The following SENP7 variants were observed in gnomAD, a reference collection of about 807,000 sequenced individuals.
SENP7 encodes the protein sentrin-specific protease 7.
SENP7 carries 64 observed loss-of-function variants against 141.2 expected under a neutral mutation model. That is an observed-to-expected ratio of 0.45 (90% confidence interval 0.37 to 0.56). The LOEUF is 0.56. SENP7 is among the 20% of genes least tolerant of loss of function. SENP7 has a pLI of 0.00. For synonymous variants in SENP7, 382 were observed against 426.4 expected (o/e 0.90, Z 1.28); for missense variants, 1,025 against 1,212.2 (o/e 0.85, Z 2.29).
At chr3:101,453,874 A>T (rs1247780211) in intron 4 of SENP7, among the ~76,000 whole-genome samples, 3 of 150,654 alleles carry the variant, frequency 2.0e-5, no homozygotes, top group Non-Finnish European at 4.4e-5. Context: ...AATTTAAAAA[A>T]TTAAAAAAAA....
chr3:101,396,002 T>C (rs1352829550), intron 6 of SENP7, among the ~76,000 whole-genome samples: 1 of 152,208 alleles, frequency 6.6e-6, no homozygotes, highest in East Asian at 1.9e-4. Context: ...GTGTGTATTA[T>C]TATCCCTGCT....
intron 3 of SENP7, among the ~76,000 whole-genome samples, chr3:101,482,351 C>T (rs2064528321): frequency 6.6e-6 from 1 of 151,372 alleles, no homozygotes; most frequent in Non-Finnish European, 1.5e-5. Context: ...TTTGGTATAA[C>T]TCTAACAAAA....
intron 3 of SENP7, among the ~76,000 whole-genome samples, chr3:101,471,080 A>G (rs1169943970): frequency 1.3e-5 from 2 of 152,192 alleles, no homozygotes; most frequent in African/African-American, 4.8e-5. Context: ...TACTGCTCAA[A>G]GTAATTTATA....
intron 4 of SENP7, among the ~76,000 whole-genome samples, chr3:101,422,001 G>GTGGTCTGTCTGTGGTCTGT (rs2061803391): frequency 3.9e-5 from 6 of 152,192 alleles, no homozygotes; most frequent in African/African-American, 1.4e-4. Flanking sequence ...AGACTGCCTT[G>GTGGTCTGTCTGTGGTCTGT]TACCAGTCTG....
intron 12 of SENP7, among the ~76,000 whole-genome samples, chr3:101,350,195 T>G (rs1025923120): frequency 6.6e-6 from 1 of 152,326 alleles, no homozygotes; most frequent in South Asian, 2.1e-4. Flanking sequence ...GCAACTCATG[T>G]GTCAGGGTCA....
intron 5 of SENP7, among the ~76,000 whole-genome samples, chr3:101,404,248 AG>A (rs1212816969): frequency 6.6e-6 from 1 of 152,126 alleles, no homozygotes. Flanking sequence ...AAGAATAAAG[AG>A]CCCAGAAGTA....
At chr3:101,363,490 G>A (rs1302260354) in intron 10 of SENP7, among the ~76,000 whole-genome samples, 1 of 152,126 alleles carries the variant, frequency 6.6e-6, no homozygotes, top group East Asian at 1.9e-4. Context: ...TATGAATGTA[G>A]TAAATTCCAC....
chr3:101,443,559 A>C (rs189191465), intron 4 of SENP7, among the ~76,000 whole-genome samples: 202 of 151,552 alleles, frequency 1.3e-3, no homozygotes, highest in South Asian at 2.7e-3. Flanking sequence ...CATTTTCACG[A>C]TATTGATTCT....
intron 4 of SENP7, among the ~76,000 whole-genome samples, chr3:101,432,131 G>A (rs2062204551): frequency 6.6e-6 from 1 of 152,132 alleles, no homozygotes; most frequent in Non-Finnish European, 1.5e-5. Flanking sequence ...GGGCCTTAAG[G>A]GAAATTGTAG....
intron 11 of SENP7, among the ~76,000 whole-genome samples, chr3:101,361,010 C>T (rs186740325): frequency 1.3e-5 from 2 of 152,158 alleles, no homozygotes; most frequent in South Asian, 2.1e-4. Context: ...TCAAGACCGG[C>T]TTGGCGAACA....
intron 2 of SENP7, among the ~76,000 whole-genome samples, chr3:101,496,639 C>T (rs1323956510): frequency 6.7e-6 from 1 of 148,734 alleles, no homozygotes; most frequent in Non-Finnish European, 1.5e-5. Flanking sequence ...AGTGCAGTGG[C>T]ACAACCTCAG....
rs759771356 is a variant in SENP7 at position 101,398,848 on chromosome 3, T to C, written c.677+13A>G. The stretch of plus-strand genomic sequence containing the variant: ...AATATAATTATTTTGAGTAAAGTTA[T>C]CACTAAACATACCTTTCAGATAAAT... On this transcript the variant is annotated intron_variant, in intron 6 of 23. Coordinates refer to ENST00000394095, the MANE Select transcript of SENP7 (RefSeq NM_020654.5). 2 of 1,511,894 alleles carry C rather than the reference T, an allele frequency of 1.3e-6. No homozygotes were observed. The highest frequency in any genetic ancestry group is 1.8e-6 in the Non-Finnish European group (2 of 1,114,744). The allele number at this position is 1,511,894 out of a possible 1,614,324, so 93.7% of individuals were successfully genotyped here.
rs1166294467 is a variant in SENP7 at position 101,366,639 on chromosome 3, G to A, written c.1109C>T (p.Ser370Leu). ...PTKSDFTKLS[S>L]LNSQELTLSN... The stretch of plus-strand genomic sequence containing the variant: ...CAAAGTCAACTCCTGACTGTTAAGT[G>A]AGGATAGTTTAGTAAAATCACTTTT... Residue 370 changes from serine to leucine, a missense_variant, in exon 9 of 24, where the codon TCA becomes TTA. Physicochemically the swap from Ser to Leu is moderately radical, Grantham distance 145. Around this residue, in one of 4 missense-constraint regions of SENP7, gnomAD observed 496 missense variants for 503.5 expected, o/e 0.99. Coordinates refer to ENST00000394095, the MANE Select transcript of SENP7 (RefSeq NM_020654.5). 2 of 1,613,478 alleles carry A rather than the reference G, an allele frequency of 1.2e-6. No individual in the cohort carries two copies. The highest frequency in any genetic ancestry group is 1.3e-5 in the African/African-American group (1 of 75,024).
chr3:101,503,231 T>C (rs1213408742), intron 1 of SENP7, among the ~76,000 whole-genome samples: 6 of 152,132 alleles, frequency 3.9e-5, no homozygotes, highest in Non-Finnish European at 8.8e-5. Flanking sequence ...GCCTTTAGAA[T>C]GGGTAAAAGT....
chr3:101,374,771 CAAAA>C (rs58234121), intron 6 of SENP7, among the ~76,000 whole-genome samples: 1 of 106,724 alleles, frequency 9.4e-6, no homozygotes, highest in Non-Finnish European at 1.9e-5. Flanking sequence ...GGCTCTGTCT[CAAAA>C]AAAAAAAAAA....
intron 6 of SENP7, among the ~76,000 whole-genome samples, chr3:101,389,714 A>T (rs2060757207): frequency 6.6e-6 from 1 of 152,222 alleles, no homozygotes; most frequent in African/African-American, 2.4e-5. Context: ...CTAAAAGTAC[A>T]AAACTAACTG....
intron 2 of SENP7, among the ~76,000 whole-genome samples, chr3:101,497,821 G>A (rs1378460870): frequency 6.6e-6 from 1 of 152,192 alleles, no homozygotes; most frequent in East Asian, 1.9e-4. Context: ...TTATTTTTTA[G>A]AGACAGTGTC....
intron 16 of SENP7, 46 bp downstream of exon 16, chr3:101,340,049 C>T (rs1307246312): frequency 1.4e-6 from 2 of 1,478,902 alleles, no homozygotes; most frequent in East Asian, 2.5e-5. Context: ...TTAAGTTTCT[C>T]AGTAAAATCT....
chr3:101,452,780 A>T (rs546069577), intron 4 of SENP7, among the ~76,000 whole-genome samples: 1 of 152,232 alleles, frequency 6.6e-6, no homozygotes, highest in Non-Finnish European at 1.5e-5. Flanking sequence ...AAACCTAGGC[A>T]ATATCATTCA....
Sources: allele counts gnomAD v4.1 joint callset (sites outside exome capture counted in the v4.1 genomes callset), GRCh38; gene constraint gnomAD v4.1.1; regional missense constraint gnomAD v4.1.1; transcripts MANE v1.5; gene names NCBI Gene and HGNC (gene_info 2026-07-23, HGNC 2026-07-21).